The following CTNND2 variants were observed in gnomAD, a reference collection of about 807,000 sequenced individuals.
CTNND2 encodes catenin delta 2.
Under a neutral mutation model 144.4 loss-of-function variants are expected in CTNND2, and 22 were observed. The observed-to-expected ratio is 0.15, with a 90% confidence interval of 0.11 to 0.22. The LOEUF (loss-of-function observed/expected upper bound fraction) is 0.22, where lower values mean the gene tolerates loss of function less well. Among genes scored for constraint, CTNND2 ranks in the 10% least tolerant of loss-of-function variants. The probability of loss-of-function intolerance (pLI) is 1.00; values close to 1 mark genes in which losing one functional copy is unlikely to be tolerated. For synonymous variants in CTNND2, 751 were observed against 695.6 expected (o/e 1.08, Z -1.25); for missense variants, 1,353 against 1,618.8 (o/e 0.84, Z 2.82).
At chr5:11,416,138 G>A (rs1391033944) in intron 3 of CTNND2, among the ~76,000 whole-genome samples, 1 of 152,142 alleles carries the variant, frequency 6.6e-6, no homozygotes, top group Admixed American at 6.6e-5. Context: ...AAATGTCCGG[G>A]GTAACCCTAG....
At chr5:11,146,134 T>C (rs1757224656) in intron 12 of CTNND2, among the ~76,000 whole-genome samples, 1 of 126,952 alleles carries the variant, frequency 7.9e-6, no homozygotes, top group African/African-American at 3.0e-5. Flanking sequence ...CCTCCTCTTC[T>C]GTTAAAACAC....
At chr5:11,090,415 A>T (rs899070769) in intron 15 of CTNND2, among the ~76,000 whole-genome samples, 5 of 152,216 alleles carry the variant, frequency 3.3e-5, no homozygotes, top group Non-Finnish European at 7.3e-5. Flanking sequence ...GCCGCAGACC[A>T]GTATTGTGGC....
intron 2 of CTNND2, among the ~76,000 whole-genome samples, chr5:11,701,501 T>C (rs901906809): frequency 1.3e-5 from 2 of 152,224 alleles, no homozygotes; most frequent in Non-Finnish European, 2.9e-5. Flanking sequence ...TCGTATTTAT[T>C]CTATTTTGAG....
At chr5:11,675,534 C>G (rs1039990623) in intron 2 of CTNND2, among the ~76,000 whole-genome samples, 4 of 152,078 alleles carry the variant, frequency 2.6e-5, no homozygotes, top group Non-Finnish European at 5.9e-5. Flanking sequence ...AACCTGACCC[C>G]CCTCCAATTT....
At chr5:11,634,060 G>C (rs893462997) in intron 2 of CTNND2, among the ~76,000 whole-genome samples, 1 of 152,056 alleles carries the variant, frequency 6.6e-6, no homozygotes, top group African/African-American at 2.4e-5. Context: ...CCCATGAGTT[G>C]GCACTGCCCA....
At chr5:11,856,526 C>CAA (rs1795257779) in intron 1 of CTNND2, among the ~76,000 whole-genome samples, 1 of 151,926 alleles carries the variant, frequency 6.6e-6, no homozygotes, top group Admixed American at 6.6e-5. Context: ...AGGCTAGAAA[C>CAA]AGGAAGAAAA....
chr5:11,310,765 C>T (rs1750710540), intron 9 of CTNND2, among the ~76,000 whole-genome samples: 1 of 151,508 alleles, frequency 6.6e-6, no homozygotes, highest in South Asian at 2.1e-4. Flanking sequence ...TCACCTCACA[C>T]ACACATACAC....
chr5:11,066,693 G>C (rs982526805), intron 16 of CTNND2, among the ~76,000 whole-genome samples: 2 of 152,186 alleles, frequency 1.3e-5, no homozygotes, highest in East Asian at 3.8e-4. Flanking sequence ...ATTCTGCAGA[G>C]TTTGACTCTT....
At chr5:11,514,569 T>G (rs916199493) in intron 3 of CTNND2, among the ~76,000 whole-genome samples, 1 of 152,248 alleles carries the variant, frequency 6.6e-6, no homozygotes, top group South Asian at 2.1e-4. Context: ...CTGTGTCCTT[T>G]AAGCTGTCCA....
intron 12 of CTNND2, among the ~76,000 whole-genome samples, chr5:11,118,559 A>C (rs1239961415): frequency 6.6e-6 from 1 of 152,206 alleles, no homozygotes; most frequent in African/African-American, 2.4e-5. Context: ...TCTGGGGTAG[A>C]GTCAGATAAC....
chr5:11,277,500 A>ATATTTATTTATG (rs567497857), intron 9 of CTNND2, among the ~76,000 whole-genome samples: 43 of 136,904 alleles, frequency 3.1e-4, no homozygotes, highest in Non-Finnish European at 5.6e-4. Flanking sequence ...CTTTTTAAAA[A>ATATTTATTTATG]TATTTATTTA....
At chr5:11,708,953 T>G (rs1785871174) in intron 2 of CTNND2, among the ~76,000 whole-genome samples, 2 of 152,178 alleles carry the variant, frequency 1.3e-5, no homozygotes, top group Admixed American at 1.3e-4. Flanking sequence ...CCTAACATAG[T>G]GCCTTTGAGA....
chr5:11,491,350 A>T (rs1769367621), intron 3 of CTNND2, among the ~76,000 whole-genome samples: 1 of 152,176 alleles, frequency 6.6e-6, no homozygotes, highest in Non-Finnish European at 1.5e-5. Flanking sequence ...CTTCCTGGGT[A>T]CCACACACAA....
chr5:11,510,997 G>A (rs984513925), intron 3 of CTNND2, among the ~76,000 whole-genome samples: 2 of 152,008 alleles, frequency 1.3e-5, no homozygotes, highest in Non-Finnish European at 1.5e-5. Context: ...TCCTGAAAGA[G>A]GTACATACAG....
At chr5:11,495,108 C>A (rs1471488429) in intron 3 of CTNND2, among the ~76,000 whole-genome samples, 1 of 152,132 alleles carries the variant, frequency 6.6e-6, no homozygotes, top group East Asian at 1.9e-4. Flanking sequence ...ATCATTTTGC[C>A]ACAGTGTGGC....
intron 7 of CTNND2, among the ~76,000 whole-genome samples, chr5:11,383,470 C>T (rs1186067436): frequency 6.6e-6 from 1 of 152,128 alleles, no homozygotes; most frequent in Non-Finnish European, 1.5e-5. Flanking sequence ...TTGTCTACCT[C>T]AAAAATTCTA....
At chr5:10,997,583 T>G (rs1739486134) in intron 18 of CTNND2, among the ~76,000 whole-genome samples, 2 of 143,090 alleles carry the variant, frequency 1.4e-5, no homozygotes, top group Non-Finnish European at 3.0e-5. Flanking sequence ...AGAGCTAGAC[T>G]CCATCTTAAA....
intron 16 of CTNND2, among the ~76,000 whole-genome samples, chr5:11,061,669 C>T (rs1450294817): frequency 1.3e-5 from 2 of 152,112 alleles, no homozygotes; most frequent in Non-Finnish European, 2.9e-5. Flanking sequence ...AACCCTTACC[C>T]TATTTTACTC....
At chr5:11,223,981 C>T (rs1008763713) in intron 10 of CTNND2, among the ~76,000 whole-genome samples, 5 of 152,176 alleles carry the variant, frequency 3.3e-5, no homozygotes, top group African/African-American at 1.2e-4. Context: ...CCCTGCTTCT[C>T]ATCTGTCCCA....
Sources: allele counts gnomAD v4.1 joint callset (sites outside exome capture counted in the v4.1 genomes callset), GRCh38; gene constraint gnomAD v4.1.1; transcripts MANE v1.5; gene names NCBI Gene and HGNC (gene_info 2026-07-23, HGNC 2026-07-21).